AGPS: variants seen among roughly 807,000 people sequenced by gnomAD.
AGPS encodes alkyldihydroxyacetonephosphate synthase, peroxisomal.
AGPS carries 26 observed loss-of-function variants against 90.7 expected under a neutral mutation model. The ratio of observed to expected loss-of-function variants is 0.29; its 90% CI spans 0.21 to 0.40. AGPS has a LOEUF of 0.40. Among genes scored for constraint, AGPS ranks in the 10% least tolerant of loss-of-function variants. AGPS has a pLI of 1.00. For missense variants in AGPS, 540 were observed against 816.1 expected, an observed-to-expected ratio of 0.66 and a Z score of 4.12; for synonymous variants, 294 against 285.3, an observed-to-expected ratio of 1.03 and a Z score of -0.31.
chr2:177,421,209 C>A (rs1248847803), intron 2 of AGPS, among the ~76,000 whole-genome samples: 1 of 151,860 alleles, frequency 6.6e-6, no homozygotes, highest in Admixed American at 6.6e-5. Flanking sequence ...ATATGTAATA[C>A]TTAAATGCTG....
intron 12 of AGPS, among the ~76,000 whole-genome samples, chr2:177,493,966 G>C (rs1007605391): frequency 6.6e-6 from 1 of 152,134 alleles, no homozygotes; most frequent in Non-Finnish European, 1.5e-5. Context: ...AAAAGGAGGA[G>C]TTGAAGACAA....
At chr2:177,419,844 T>A (rs925506853) in intron 1 of AGPS, among the ~76,000 whole-genome samples, 9 of 151,844 alleles carry the variant, frequency 5.9e-5, no homozygotes, top group East Asian at 1.9e-4. Flanking sequence ...GGTCTTTTTT[T>A]AAAAATCGTA....
At position 177,468,524 on chromosome 2, in the gene AGPS, G is replaced by C; in HGVS notation, c.1105G>C (p.Gly369Arg). The C allele has an allele frequency of 6.2e-7, 1 of 1,600,010 alleles. No individual in the cohort carries two copies. The highest frequency in any genetic ancestry group is 8.6e-7 in the Non-Finnish European group (1 of 1,167,806). ...CCATCACTTCATCATGGGATCTGAA[G>C]GTAAATATAACTGTAAATTTATTAA... ...DIHHFIMGSE[G>R]TLGVITEATI... The change falls in exon 10 of 20, where the codon GGA (glycine) becomes CGA (arginine). Residue 369 changes from glycine (G) to arginine (R), a missense_variant and splice_region_variant. Gly to Arg is a moderately radical substitution (Grantham distance 125, BLOSUM62 -2). Around this residue, in one of 2 missense-constraint regions of AGPS, gnomAD observed 405 missense variants for 692.1 expected, o/e 0.59. Transcript: ENST00000264167.
At chr2:177,406,808 T>C (rs1685479401) in intron 1 of AGPS, among the ~76,000 whole-genome samples, 1 of 152,280 alleles carries the variant, frequency 6.6e-6, no homozygotes, top group South Asian at 2.1e-4. Context: ...ACTTCTTGAA[T>C]GTGCTTTATG....
intron 1 of AGPS, among the ~76,000 whole-genome samples, chr2:177,419,873 T>C (rs544484525): frequency 3.0e-4 from 46 of 151,970 alleles, no homozygotes; most frequent in Admixed American, 1.5e-3. Flanking sequence ...TTAATAATTA[T>C]GATTTTTTTC....
At chr2:177,450,584 T>C (rs1686908322) in intron 8 of AGPS, among the ~76,000 whole-genome samples, 1 of 152,176 alleles carries the variant, frequency 6.6e-6, no homozygotes, top group East Asian at 1.9e-4. Context: ...TGCACCATCA[T>C]TTAAAAAAAT....
intron 14 of AGPS, among the ~76,000 whole-genome samples, chr2:177,501,242 GTC>G (rs1229059267): frequency 6.6e-6 from 1 of 151,860 alleles, no homozygotes; most frequent in East Asian, 1.9e-4. Flanking sequence ...CACCTCAGTC[GTC>G]TCTCTGCTCA....
At chr2:177,459,600 A>G (rs563527615) in intron 8 of AGPS, among the ~76,000 whole-genome samples, 1 of 152,374 alleles carries the variant, frequency 6.6e-6, no homozygotes, top group African/African-American at 2.4e-5. Flanking sequence ...GCGAAATGCA[A>G]ATCAAAACCA....
At chr2:177,516,801 T>A (rs1292288439) in intron 17 of AGPS, among the ~76,000 whole-genome samples, 2 of 152,200 alleles carry the variant, frequency 1.3e-5, no homozygotes, top group Non-Finnish European at 2.9e-5. Context: ...TTCATTCATT[T>A]ATCCTTCACA....
chr2:177,402,774 T>C (rs2364849), intron 1 of AGPS, among the ~76,000 whole-genome samples: 131,203 of 152,266 alleles, frequency 0.86, 56,770 homozygotes, highest in East Asian at 0.98. Flanking sequence ...CTTCGTCTAC[T>C]GGCTGGCCGC....
chr2:177,393,487 G>GGGGGAAACTGGTGGTGCCCT, intron 1 of AGPS: 1 of 985,398 alleles, frequency 1.0e-6, no homozygotes, highest in Non-Finnish European at 1.2e-6. Context: ...AGCCTGCTGT[G>GGGGGAAACTGGTGGTGCCCT]GGGGAAACTG....
intron 17 of AGPS, among the ~76,000 whole-genome samples, chr2:177,520,779 A>G (rs1689163322): frequency 6.6e-6 from 1 of 152,176 alleles, no homozygotes; most frequent in Non-Finnish European, 1.5e-5. Flanking sequence ...AATTTTGTTA[A>G]ATGTCATTTT....
At chr2:177,393,293 C>A in intron 1 of AGPS, 1 of 985,366 alleles carries the variant, frequency 1.0e-6, no homozygotes, top group Non-Finnish European at 1.2e-6. Flanking sequence ...GAAGAACTCT[C>A]GTTGGAGAAG....
At chr2:177,494,198 A>G (rs1052727636) in intron 12 of AGPS, among the ~76,000 whole-genome samples, 1 of 152,208 alleles carries the variant, frequency 6.6e-6, no homozygotes, top group African/African-American at 2.4e-5. Context: ...TCATGTCTAA[A>G]AGTAAGCTGA....
intron 8 of AGPS, among the ~76,000 whole-genome samples, chr2:177,447,369 A>G (rs1347593683): frequency 6.6e-6 from 1 of 152,170 alleles, no homozygotes; most frequent in Admixed American, 6.5e-5. Flanking sequence ...TTAAGGTTTT[A>G]TATCAGATAA....
rs3213945 is a variant in AGPS, at chr2:177,538,058, G to T, written c.1856-16G>T. On this transcript the variant is annotated splice_polypyrimidine_tract_variant and intron_variant, in intron 19 of 19. Coordinates refer to ENST00000264167, the MANE Select transcript of AGPS (RefSeq NM_003659.4). ...TCATAGCATATATTGAAGCATTTTT[G>T]ATTTTGTTTTTCCAGTGGGCAAGTT... The T allele has an allele frequency of 0.1, 163,726 of 1,612,246 alleles. 10,782 individuals are homozygous for T. The highest frequency in any genetic ancestry group is 0.37 in the East Asian group (16,625 of 44,816).
At chr2:177,533,607 A>T (rs1221311335) in intron 19 of AGPS, among the ~76,000 whole-genome samples, 1 of 152,212 alleles carries the variant, frequency 6.6e-6, no homozygotes, top group Non-Finnish European at 1.5e-5. Flanking sequence ...TCTATAACTT[A>T]AAAATAATAT....
intron 10 of AGPS, among the ~76,000 whole-genome samples, chr2:177,470,770 T>C (rs1460074273): frequency 6.9e-6 from 1 of 144,196 alleles, no homozygotes; most frequent in Non-Finnish European, 1.5e-5. Context: ...TAAATTACCA[T>C]AGTTAAATGA....
chr2:177,450,658 A>G (rs991259777), intron 8 of AGPS, among the ~76,000 whole-genome samples: 1 of 151,920 alleles, frequency 6.6e-6, no homozygotes. Context: ...CTAATACTAT[A>G]CTGTTTGGAT....
Sources: allele counts gnomAD v4.1 joint callset (sites outside exome capture counted in the v4.1 genomes callset), GRCh38; gene constraint gnomAD v4.1.1; regional missense constraint gnomAD v4.1.1; transcripts MANE v1.5; gene names NCBI Gene and HGNC (gene_info 2026-07-23, HGNC 2026-07-21).